COL28A1: variants seen among roughly 807,000 people sequenced by gnomAD.
COL28A1 encodes collagen alpha-1(XXVIII) chain.
COL28A1 carries 161 observed loss-of-function variants against 150.2 expected under a neutral mutation model. The observed-to-expected ratio is 1.07, with a 90% CI of 0.94 to 1.22. The LOEUF is 1.22. Among genes scored for constraint, COL28A1 ranks in the 50% most tolerant of loss-of-function variants. The pLI, the probability that COL28A1 is intolerant of heterozygous loss-of-function variation, is 0.00. For synonymous variants in COL28A1, 552 were observed against 469.7 expected, an observed-to-expected ratio of 1.18 and a Z score of -2.26; for missense variants, 1,617 against 1,388.3, an observed-to-expected ratio of 1.16 and a Z score of -2.62.
intron 20 of COL28A1, among the ~76,000 whole-genome samples, chr7:7,442,469 G>A (rs533809224): frequency 8.1e-4 from 123 of 152,150 alleles, no homozygotes; most frequent in African/African-American, 2.6e-3. Context: ...TATATTTCAC[G>A]TGATGATGTT....
Position 7,443,606 on chromosome 7 carries a change from T to C in COL28A1, c.1629A>G (p.Gly543=). 1 of 1,614,114 alleles carries C rather than the reference T, an allele frequency of 6.2e-7. No homozygotes were observed. Among genetic ancestry groups the C allele is most frequent in the South Asian group, 1.1e-5 (1 of 91,080 alleles). The change falls in exon 20 of 35, where the codon GGA becomes GGG. Residue 543 remains glycine, a synonymous_variant. Coordinates refer to ENST00000399429, the MANE Select transcript of COL28A1 (RefSeq NM_001037763.3). ...ATACCTTGGGGCCAGGCTGTCCTTTTCCAGGTGGTCCTTCTGGGCCTCTTG... is the reference window on the plus strand; with the variant it reads ...ATACCTTGGGGCCAGGCTGTCCTTTCCCAGGTGGTCCTTCTGGGCCTCTTG... The part of the protein sequence containing the change: ...PGARGPEGPP[G]KGQPGPKGDE...
In COL28A1 at chr7:7,453,526, A is replaced by G; in HGVS notation, c.1372-18T>C. 1 of 935,126 alleles carries G rather than the reference A, an allele frequency of 1.1e-6. No homozygotes were observed. The highest frequency in any genetic ancestry group is 1.8e-6 in the Non-Finnish European group (1 of 569,726). The allele number at this position is 935,126 out of a possible 1,614,324, so 57.9% of individuals were successfully genotyped here. A position where few individuals can be genotyped will look rare whatever the true frequency, so the allele number is the denominator to read the frequency against. On this transcript the variant is annotated intron_variant, in intron 16 of 34. Coordinates refer to ENST00000399429, the MANE Select transcript of COL28A1 (RefSeq NM_001037763.3). ...TGGATTCCCTTTAAAATAAAATTTT[A>G]TAAAATAGTGTTAGTGAAATGAAGT... is the stretch of plus-strand genomic sequence containing the variant.
intron 3 of COL28A1, among the ~76,000 whole-genome samples, chr7:7,530,570 C>T (rs1782292226): frequency 6.6e-6 from 1 of 152,106 alleles, no homozygotes; most frequent in Non-Finnish European, 1.5e-5. Context: ...GCCAATCAAC[C>T]AATTTATCTC....
chr7:7,415,878 C>T (rs138142942), intron 27 of COL28A1, among the ~76,000 whole-genome samples: 10,757 of 152,134 alleles, frequency 0.071, 473 homozygotes, highest in Middle Eastern at 0.16. Flanking sequence ...TCTCAGCTTA[C>T]TGCAGCCTCT....
intron 4 of COL28A1, among the ~76,000 whole-genome samples, chr7:7,523,076 T>A (rs1378431194): frequency 6.6e-6 from 1 of 152,122 alleles, no homozygotes; most frequent in African/African-American, 2.4e-5. Flanking sequence ...TAAAAACTTA[T>A]TTCCACAGGT....
intron 18 of COL28A1, among the ~76,000 whole-genome samples, chr7:7,446,743 G>A (rs1305507623): frequency 2.6e-5 from 4 of 152,304 alleles, no homozygotes; most frequent in Admixed American, 6.5e-5. Flanking sequence ...TCCAGTGCCT[G>A]TACAAAGTTT....
intron 27 of COL28A1, among the ~76,000 whole-genome samples, chr7:7,408,219 A>T (rs1783595177): frequency 6.6e-6 from 1 of 152,092 alleles, no homozygotes; most frequent in Non-Finnish European, 1.5e-5. Context: ...GCCGCTGAAG[A>T]ATTTTTGCAA....
intron 3 of COL28A1, among the ~76,000 whole-genome samples, chr7:7,526,030 T>A (rs963742206): frequency 1.3e-5 from 2 of 152,234 alleles, no homozygotes. Context: ...CTTTAAGAGC[T>A]AGGAGGTCCT....
At position 7,444,664 on chromosome 7, in the gene COL28A1, G is replaced by T. The variant is rs572217836; in HGVS notation, c.1510-175C>A. 7.9e-5 allele frequency among the ~76,000 whole-genome samples: 12 copies of T among 152,058 alleles called. No individual in the cohort carries two copies. In the East Asian group the frequency reaches 1.5e-3, roughly 20 times the overall value. On this transcript the variant is annotated intron_variant, in intron 18 of 34. Coordinates refer to ENST00000399429, the MANE Select transcript of COL28A1 (RefSeq NM_001037763.3). ...TTAACATCCCTAGGCCTTAGTTTTT[G>T]ATTCTATTTTTATGGGCTGAATTGT... is the stretch of plus-strand genomic sequence containing the variant.
At chr7:7,484,500 T>C (rs895150241) in intron 13 of COL28A1, among the ~76,000 whole-genome samples, 14 of 152,048 alleles carry the variant, frequency 9.2e-5, no homozygotes, top group African/African-American at 3.1e-4. Context: ...AATGGGTAAA[T>C]ATATGGGTAA....
At chr7:7,384,467 T>G (rs1420998102) in intron 27 of COL28A1, among the ~76,000 whole-genome samples, 9 of 152,236 alleles carry the variant, frequency 5.9e-5, no homozygotes, top group Admixed American at 6.5e-5. Flanking sequence ...TAAGTGAGTA[T>G]AGTACAGTAA....
chr7:7,420,625 T>C (rs571188939), intron 25 of COL28A1, among the ~76,000 whole-genome samples: 1 of 152,372 alleles, frequency 6.6e-6, no homozygotes, highest in East Asian at 1.9e-4. Context: ...CTCACAATAA[T>C]CTTGCATTAT....
At chr7:7,478,152 C>G (rs542076792) in intron 13 of COL28A1, among the ~76,000 whole-genome samples, 19 of 152,202 alleles carry the variant, frequency 1.2e-4, no homozygotes, top group African/African-American at 4.1e-4. Flanking sequence ...TAACTAGATA[C>G]AGAGTGCCGA....
intron 18 of COL28A1, among the ~76,000 whole-genome samples, chr7:7,451,165 T>C (rs1025149519): frequency 3.9e-5 from 6 of 152,044 alleles, no homozygotes; most frequent in Non-Finnish European, 7.4e-5. Flanking sequence ...TTGATAAAGC[T>C]GGGCCGTGGA....
At chr7:7,440,753 A>T in intron 21 of COL28A1, 37 bp downstream of exon 21, 1 of 870,380 alleles carries the variant, frequency 1.1e-6, no homozygotes, top group Non-Finnish European at 1.9e-6. Flanking sequence ...CACAATACAA[A>T]CTCCTCAAAG....
At chr7:7,382,019 C>G (rs949351896) in intron 27 of COL28A1, among the ~76,000 whole-genome samples, 19 of 152,054 alleles carry the variant, frequency 1.2e-4, no homozygotes, top group African/African-American at 4.3e-4. Flanking sequence ...TTAAAAAACA[C>G]ATGTTATTGG....
At chr7:7,433,613 G>A (rs7780713) in intron 23 of COL28A1, among the ~76,000 whole-genome samples, 15,080 of 146,392 alleles carry the variant, frequency 0.1, 921 homozygotes, top group Middle Eastern at 0.24. Flanking sequence ...CAGCCTGGGC[G>A]ACAGAGCAAG....
At chr7:7,382,440 A>G (rs1781924186) in intron 27 of COL28A1, among the ~76,000 whole-genome samples, 1 of 152,140 alleles carries the variant, frequency 6.6e-6, no homozygotes, top group South Asian at 2.1e-4. Flanking sequence ...ATCTCTCATA[A>G]TTTGTAGCAA....
At chr7:7,490,986 T>C (rs1279191257) in intron 11 of COL28A1, among the ~76,000 whole-genome samples, 1 of 152,198 alleles carries the variant, frequency 6.6e-6, no homozygotes, top group Non-Finnish European at 1.5e-5. Flanking sequence ...TTTTTTAATG[T>C]GTTTATGGAG....
Sources: gnomAD v4.1 joint callset for allele counts (sites outside exome capture counted in the v4.1 genomes callset) on GRCh38, gnomAD v4.1.1 for gene constraint, MANE v1.5 for transcripts, NCBI Gene and HGNC (gene_info 2026-07-23, HGNC 2026-07-21) for gene names.